FLT1: variants seen among roughly 807,000 people sequenced by gnomAD.
FLT1 encodes fms related receptor tyrosine kinase 1.
Under a neutral mutation model 156.3 loss-of-function variants are expected in FLT1, and 49 were observed. The ratio of observed to expected loss-of-function variants is 0.31; its 90% CI spans 0.25 to 0.40. FLT1 has a LOEUF of 0.40. Ranked by LOEUF, FLT1 falls within the 10% of genes least tolerant of loss-of-function variation. The pLI, the probability that FLT1 is intolerant of heterozygous loss-of-function variation, is 1.00. For synonymous variants in FLT1, 594 were observed against 583.8 expected (o/e 1.02, Z -0.25); for missense variants, 1,322 against 1,637.2 (o/e 0.81, Z 3.32).
intron 1 of FLT1, among the ~76,000 whole-genome samples, chr13:28,472,380 A>C (rs1880226509): frequency 6.6e-6 from 1 of 152,246 alleles, no homozygotes; most frequent in Non-Finnish European, 1.5e-5. Context: ...TGGATACTAA[A>C]AGAGCCAACT....
At chr13:28,330,597 T>TATATATATATCATATATATATG (rs1871887502) in intron 18 of FLT1, among the ~76,000 whole-genome samples, 2 of 148,344 alleles carry the variant, frequency 1.3e-5, no homozygotes, top group African/African-American at 4.9e-5. Context: ...CCTATATATA[T>TATATATATATCATATATATATG]ATATATATAT....
chr13:28,444,460 GA>G (rs1286782558), intron 3 of FLT1, among the ~76,000 whole-genome samples: 1 of 151,854 alleles, frequency 6.6e-6, no homozygotes, highest in Admixed American at 6.6e-5. Flanking sequence ...GTGGATAGAA[GA>G]ACTGGACAGA....
intron 3 of FLT1, chr13:28,466,701 G>A: frequency 1.5e-6 from 1 of 665,498 alleles, no homozygotes. Context: ...CTCTCTTTGT[G>A]GAGCACATAG....
intron 1 of FLT1, among the ~76,000 whole-genome samples, chr13:28,470,357 T>G (rs575609902): frequency 2.0e-5 from 3 of 152,238 alleles, no homozygotes; most frequent in African/African-American, 7.2e-5. Context: ...CATGCCAGAA[T>G]AGTTTCTGCC....
chr13:28,443,712 A>G (rs1878457019), intron 3 of FLT1, among the ~76,000 whole-genome samples: 4 of 152,256 alleles, frequency 2.6e-5, no homozygotes, highest in South Asian at 4.1e-4. Flanking sequence ...GAGTTTTCAC[A>G]TCACACAGAT....
chr13:28,447,360 T>A (rs1053216056), intron 3 of FLT1, among the ~76,000 whole-genome samples: 2 of 151,164 alleles, frequency 1.3e-5, no homozygotes, highest in Non-Finnish European at 2.9e-5. Flanking sequence ...TTTTTAAAAA[T>A]TTTTTTGTAG....
intron 19 of FLT1, among the ~76,000 whole-genome samples, chr13:28,327,928 C>T (rs537319286): frequency 3.8e-4 from 58 of 152,130 alleles, no homozygotes; most frequent in Non-Finnish European, 2.9e-5. Flanking sequence ...CACACCAGTC[C>T]TGGAACTATT....
rs1467860972 is a variant in FLT1, at chr13:28,494,701, C to T, written c.64+79G>A. The stretch of plus-strand genomic sequence containing the variant: ...CAGCCTCGTCTCCCCGCGTGCACCC[C>T]GCCCTGGCCTCGGAGGCTCTGCCCT... On this transcript the variant is annotated intron_variant, in intron 1 of 29. Transcript: ENST00000282397. The T allele has an allele frequency of 1.9e-5, 22 of 1,161,676 alleles. No individual in the cohort carries two copies. The Admixed American group carries it at 2.7e-4, about 14-fold the overall frequency. 72.0% of individuals were successfully genotyped at this position (1,161,676 alleles called of 1,614,324 possible). A position where few individuals can be genotyped will look rare whatever the true frequency, so the allele number is the denominator to read the frequency against.
intron 27 of FLT1, among the ~76,000 whole-genome samples, chr13:28,310,788 A>G (rs901641447): frequency 6.6e-6 from 1 of 152,240 alleles, no homozygotes; most frequent in African/African-American, 2.4e-5. Context: ...AAAAAATTCA[A>G]TGTAATGGGG....
chr13:28,451,533 T>A (rs1017218444), intron 3 of FLT1, among the ~76,000 whole-genome samples: 1 of 151,654 alleles, frequency 6.6e-6, no homozygotes, highest in African/African-American at 2.4e-5. Flanking sequence ...CTGGTCAGAC[T>A]CCTCTCCAGC....
chr13:28,454,590 A>G (rs985343589), intron 3 of FLT1, among the ~76,000 whole-genome samples: 14 of 152,222 alleles, frequency 9.2e-5, no homozygotes, highest in Non-Finnish European at 1.9e-4. Flanking sequence ...GATCAGGATC[A>G]AGGCAAGGAT....
At chr13:28,485,501 C>G (rs1881100330) in intron 1 of FLT1, among the ~76,000 whole-genome samples, 3 of 152,024 alleles carry the variant, frequency 2.0e-5, no homozygotes, top group African/African-American at 7.3e-5. Context: ...TTAGAAGGGT[C>G]AAGACATTAT....
rs976791903 is a variant in FLT1 at position 28,300,471 on chromosome 13, C to T, written c.*2696G>A. 4.3e-6 allele frequency: 1 copy of T among 232,316 alleles called. No individual in the cohort carries two copies. Among genetic ancestry groups the T allele is most frequent in the Non-Finnish European group, 8.5e-6 (1 of 117,854 alleles). The allele number at this position is 232,316 out of a possible 1,614,324, so 14.4% of individuals were successfully genotyped here. On this transcript the variant is annotated 3_prime_UTR_variant, in exon 30 of 30. Transcript: ENST00000282397. ...ATATTCTTGGTTTGTATAAAAGTAACTTTAAAATTCCAGTTTCCTTAAATA... is the reference window on the plus strand; with the variant it reads ...ATATTCTTGGTTTGTATAAAAGTAATTTTAAAATTCCAGTTTCCTTAAATA...
chr13:28,351,017 C>CT (rs1249376868), intron 15 of FLT1, among the ~76,000 whole-genome samples: 7 of 148,196 alleles, frequency 4.7e-5, no homozygotes, highest in South Asian at 2.2e-4. Flanking sequence ...CAACCCTTTT[C>CT]TTTTTTTTTT....
At chr13:28,321,300 C>T (rs1461861875) in intron 23 of FLT1, among the ~76,000 whole-genome samples, 163 bp downstream of exon 23, 1 of 152,178 alleles carries the variant, frequency 6.6e-6, no homozygotes, top group Non-Finnish European at 1.5e-5. Context: ...CTGAGCCTTA[C>T]ACAAGGGCTC....
chr13:28,353,433 C>T (rs745568257), intron 15 of FLT1, among the ~76,000 whole-genome samples: 35 of 151,924 alleles, frequency 2.3e-4, no homozygotes, highest in Non-Finnish European at 4.7e-4. Flanking sequence ...ATTAGCCAGG[C>T]GTGGTGGCAC....
At chr13:28,371,247 A>T (rs1021680245) in intron 14 of FLT1, among the ~76,000 whole-genome samples, 2 of 152,242 alleles carry the variant, frequency 1.3e-5, no homozygotes, top group Non-Finnish European at 2.9e-5. Flanking sequence ...AGTGATGACC[A>T]TCAGAACTTA....
In FLT1 at chr13:28,431,154, T is replaced by C; in HGVS notation, c.970A>G (p.Thr324Ala). Residue 324 changes from threonine (T) to alanine (A), a missense_variant, in exon 7 of 30, where the codon ACC (threonine) becomes GCC (alanine). This residue lies in a region of FLT1 where 991 missense variants were observed against 1,254.8 expected (regional missense o/e 0.79). Transcript: ENST00000282397. ...RSGPSFKSVNTSVHIYDKAFI... is the reference protein window; with the variant it reads ...RSGPSFKSVNASVHIYDKAFI... The stretch of plus-strand genomic sequence containing the variant: ...TGCTTACCATATATATGCACTGAGG[T>C]GTTAACAGATTTGAATGATGGTCCA... 6.2e-7 allele frequency: 1 copy of C among 1,613,540 alleles called. No individual in the cohort carries two copies. Among genetic ancestry groups the C allele is most frequent in the Non-Finnish European group, 8.5e-7 (1 of 1,179,474 alleles).
At chr13:28,368,104 T>C in intron 14 of FLT1, 1 of 734,418 alleles carries the variant, frequency 1.4e-6, no homozygotes, top group Non-Finnish European at 1.7e-6. Flanking sequence ...AATGCATGTA[T>C]GTTAAGTTTA....
Sources: allele counts gnomAD v4.1 joint callset (sites outside exome capture counted in the v4.1 genomes callset), GRCh38; gene constraint gnomAD v4.1.1; regional missense constraint gnomAD v4.1.1; transcripts MANE v1.5; gene names NCBI Gene and HGNC (gene_info 2026-07-23, HGNC 2026-07-21).